RALGAPA2: variants seen among roughly 807,000 people sequenced by gnomAD.
The protein encoded by RALGAPA2 is Ral GTPase activating protein catalytic subunit alpha 2.
RALGAPA2 carries 139 observed loss-of-function variants against 230.4 expected under a neutral mutation model. That is an observed-to-expected ratio of 0.60 (90% confidence interval 0.53 to 0.69). The LOEUF (loss-of-function observed/expected upper bound fraction) is 0.69, where lower values mean the gene tolerates loss of function less well. RALGAPA2 is among the 30% of genes least tolerant of loss of function. The pLI is 0.00. For missense variants in RALGAPA2, 2,163 were observed against 2,276.0 expected (o/e 0.95, Z 1.01); for synonymous variants, 847 against 837.8 (o/e 1.01, Z -0.19).
chr20:20,403,711 G>C (rs2059893586), intron 38 of RALGAPA2, among the ~76,000 whole-genome samples: 1 of 152,192 alleles, frequency 6.6e-6, no homozygotes, highest in Non-Finnish European at 1.5e-5. Context: ...GCACCCTAGG[G>C]ATGTAGCTAG....
intron 24 of RALGAPA2, among the ~76,000 whole-genome samples, chr20:20,537,543 C>A (rs2063528353): frequency 6.6e-6 from 1 of 150,802 alleles, no homozygotes; most frequent in Admixed American, 6.6e-5. Context: ...TTGCTTGAAC[C>A]CAGGAGATGG....
At chr20:20,509,242 A>AT (rs755328333) in intron 33 of RALGAPA2, among the ~76,000 whole-genome samples, 6 of 152,226 alleles carry the variant, frequency 3.9e-5, no homozygotes, top group Admixed American at 1.3e-4. Context: ...AGGAAACAGA[A>AT]TACAGTGAAG....
Position 20,459,604 on chromosome 20 carries a change from G to C in RALGAPA2, c.5495+13225C>G, listed in dbSNP as rs1437425850. Among the ~76,000 whole-genome samples the C allele has an allele frequency of 3.9e-5, 6 of 152,098 alleles. No homozygotes were observed. The East Asian group carries it at 1.2e-3, about 29-fold the overall frequency. ...GGGAGTGGCGACCATACAGCCTCAA[G>C]AGCATGCTGTTCACCAAGACCCTTG... On this transcript the variant is annotated intron_variant, in intron 37 of 39. Transcript: ENST00000202677.
chr20:20,539,720 C>T (rs565844526), intron 24 of RALGAPA2, among the ~76,000 whole-genome samples: 5 of 152,242 alleles, frequency 3.3e-5, no homozygotes, highest in East Asian at 3.9e-4. Flanking sequence ...CTCATTCATT[C>T]GGCATAACTG....
intron 33 of RALGAPA2, 96 bp from the exon 34 acceptor site, chr20:20,505,630 T>A: frequency 9.2e-7 from 1 of 1,086,208 alleles, no homozygotes; most frequent in South Asian, 1.8e-5. Flanking sequence ...ACCACTGAGC[T>A]TACATTTACT....
intron 36 of RALGAPA2, among the ~76,000 whole-genome samples, chr20:20,494,679 C>T (rs1167586051): frequency 1.3e-5 from 2 of 152,240 alleles, no homozygotes; most frequent in Admixed American, 1.3e-4. Flanking sequence ...CCCATTAGCA[C>T]AGTCAGAGGC....
chr20:20,406,132 A>C (rs1272518353), intron 38 of RALGAPA2, among the ~76,000 whole-genome samples: 1 of 152,220 alleles, frequency 6.6e-6, no homozygotes, highest in African/African-American at 2.4e-5. Flanking sequence ...AGTGGTTCTC[A>C]GTCCTGCCTG....
At chr20:20,625,699 A>G (rs1421695833) in intron 10 of RALGAPA2, among the ~76,000 whole-genome samples, 1 of 152,166 alleles carries the variant, frequency 6.6e-6, no homozygotes, top group Admixed American at 6.5e-5. Context: ...TAAAAAAAAT[A>G]CTAGTTTTGA....
At chr20:20,499,882 G>T (rs929310743) in intron 35 of RALGAPA2, among the ~76,000 whole-genome samples, 3 of 152,150 alleles carry the variant, frequency 2.0e-5, no homozygotes, top group Non-Finnish European at 4.4e-5. Flanking sequence ...TATAGGCTTG[G>T]TTTCAGACAT....
intron 36 of RALGAPA2, among the ~76,000 whole-genome samples, chr20:20,474,889 A>T (rs2061617901): frequency 6.6e-6 from 1 of 152,210 alleles, no homozygotes. Flanking sequence ...TCTAGCCATG[A>T]GATCACATAA....
At chr20:20,677,386 G>A (rs2068365633) in intron 2 of RALGAPA2, among the ~76,000 whole-genome samples, 1 of 152,100 alleles carries the variant, frequency 6.6e-6, no homozygotes, top group African/African-American at 2.4e-5. Context: ...TTTAGGGGAG[G>A]TGTATTCCAG....
At chr20:20,498,341 T>C (rs1164067182) in intron 35 of RALGAPA2, among the ~76,000 whole-genome samples, 5 of 152,204 alleles carry the variant, frequency 3.3e-5, no homozygotes. Flanking sequence ...TCAGAACAAA[T>C]GCTCAGATTT....
In RALGAPA2 at chr20:20,487,913, A is replaced by G. The variant is rs986913150; in HGVS notation, c.5367+7204T>C. The stretch of plus-strand genomic sequence containing the variant: ...GGTGACAGAGCCAGACTCGGTCTCG[A>G]AAAAAAAAAAAAAAAAGTTTTTCTT... On this transcript the variant is annotated intron_variant, in intron 36 of 39. Transcript: ENST00000202677. 2.2e-4 allele frequency among the ~76,000 whole-genome samples: 29 copies of G among 132,312 alleles called. No individual in the cohort carries two copies. In the South Asian group the frequency reaches 3.6e-3, roughly 16 times the overall value. The allele number at this position is 132,312 out of a possible 152,430, so 86.8% of individuals were successfully genotyped here. A position where few individuals can be genotyped will look rare whatever the true frequency, so the allele number is the denominator to read the frequency against.
At chr20:20,605,100 A>T (rs2065778684) in intron 15 of RALGAPA2, 75 bp downstream of exon 15, 30 of 1,293,604 alleles carry the variant, frequency 2.3e-5, no homozygotes, top group Non-Finnish European at 3.1e-5. Context: ...TTCGCGCATT[A>T]ATTGCTTAGT....
chr20:20,469,909 A>G (rs531904824), intron 37 of RALGAPA2, among the ~76,000 whole-genome samples: 4 of 152,298 alleles, frequency 2.6e-5, no homozygotes, highest in Admixed American at 2.6e-4. Flanking sequence ...TCAGAAAAGC[A>G]GTGGCCACAA....
At chr20:20,409,033 G>A (rs1179149048) in intron 38 of RALGAPA2, among the ~76,000 whole-genome samples, 1 of 152,130 alleles carries the variant, frequency 6.6e-6, no homozygotes, top group East Asian at 1.9e-4. Flanking sequence ...AATGCCGAGC[G>A]CTCATATATT....
rs1216404500 is a variant in RALGAPA2, at chr20:20,391,119, G to C, written c.*2170C>G. 6.6e-6 allele frequency: 1 copy of C among 152,192 alleles called. No homozygotes were observed. Among genetic ancestry groups the C allele is most frequent in the African/African-American group, 2.4e-5 (1 of 41,452 alleles). The allele number at this position is 152,192 out of a possible 1,614,324, so 9.4% of individuals were successfully genotyped here. On this transcript the variant is annotated 3_prime_UTR_variant, in exon 40 of 40. Coordinates refer to ENST00000202677, the MANE Select transcript of RALGAPA2 (RefSeq NM_020343.4). ...AGCCTGAAGATGAAACGTTCTCCCA[G>C]AGGCGACCTGCTGGTAGAGACCTAC... is the stretch of plus-strand genomic sequence containing the variant.
intron 36 of RALGAPA2, among the ~76,000 whole-genome samples, chr20:20,491,912 C>A (rs1173450545): frequency 6.6e-6 from 1 of 151,864 alleles, no homozygotes; most frequent in Admixed American, 6.6e-5. Context: ...GGGTTTTATG[C>A]GTTCACACAA....
chr20:20,536,588 A>C, intron 25 of RALGAPA2, 68 bp downstream of exon 25: 59 of 1,517,786 alleles, frequency 3.9e-5, no homozygotes, highest in Non-Finnish European at 4.8e-5. Flanking sequence ...CACTAATGGA[A>C]GAGATAATCA....
Sources: gnomAD v4.1 joint callset for allele counts (sites outside exome capture counted in the v4.1 genomes callset) on GRCh38, gnomAD v4.1.1 for gene constraint, MANE v1.5 for transcripts, NCBI Gene and HGNC (gene_info 2026-07-23, HGNC 2026-07-21) for gene names.